Variants in NEIL2 observed in about 807,000 individuals in gnomAD.
NEIL2 encodes the protein endonuclease 8-like 2.
A neutral mutation model predicts 22.2 loss-of-function variants in NEIL2; 23 were observed. The ratio of observed to expected loss-of-function variants is 1.04; its 90% confidence interval spans 0.75 to 1.47. NEIL2 has a LOEUF of 1.47. Ranked by LOEUF, NEIL2 falls within the 40% of genes most tolerant of loss-of-function variation. NEIL2 has a pLI of 0.00. For synonymous variants in NEIL2, 229 were observed against 164.8 expected, an observed-to-expected ratio of 1.39 and a Z score of -2.99; for missense variants, 583 against 404.7, an observed-to-expected ratio of 1.44 and a Z score of -3.78.
At chr8:11,781,897 C>CA (rs1225487842) in intron 3 of NEIL2, among the ~76,000 whole-genome samples, 1 of 151,476 alleles carries the variant, frequency 6.6e-6, no homozygotes, top group Admixed American at 6.6e-5. Context: ...CCTGTTTGTA[C>CA]AAAAAAATAA....
At chr8:11,784,238 T>C (rs1469846386) in intron 4 of NEIL2, among the ~76,000 whole-genome samples, 1 of 152,208 alleles carries the variant, frequency 6.6e-6, no homozygotes, top group Admixed American at 6.5e-5. Flanking sequence ...TGGGAGTCCC[T>C]GTGCACTCAG....
At chr8:11,770,446 C>G (rs1803339880) in intron 1 of NEIL2, 111 bp downstream of exon 1, 1 of 152,166 alleles carries the variant, frequency 6.6e-6, no homozygotes, top group African/African-American at 2.4e-5. Flanking sequence ...CGAATCGGCA[C>G]CAGCGAGTGT....
chr8:11,776,752 C>T (rs1452643430), intron 2 of NEIL2, among the ~76,000 whole-genome samples: 8 of 152,138 alleles, frequency 5.3e-5, no homozygotes, highest in East Asian at 1.9e-4. Flanking sequence ...ATGGGTAGGT[C>T]CCCTGGGTTC....
chr8:11,783,455 C>A (rs564814661), intron 4 of NEIL2, 56 bp downstream of exon 4: 5 of 1,526,504 alleles, frequency 3.3e-6, no homozygotes, highest in South Asian at 2.2e-5. Context: ...AAAAGTCGGT[C>A]CTGTGGGAGT....
chr8:11,782,528 T>C (rs2130523631), intron 3 of NEIL2: 1 of 162,990 alleles, frequency 6.1e-6, no homozygotes, highest in African/African-American at 2.4e-5. Context: ...ACAATTACAT[T>C]AGCCTACAGT....
chr8:11,783,291 T>C lies in NEIL2; in HGVS notation c.580T>C (p.Cys194Arg), dbSNP rs764392849. 1 of 1,614,204 alleles carries C rather than the reference T, an allele frequency of 6.2e-7. No homozygotes were observed. The highest frequency in any genetic ancestry group is 8.5e-7 in the Non-Finnish European group (1 of 1,179,998). Residue 194 changes from cysteine (C) to arginine (R), a missense_variant, in exon 4 of 5, where the codon TGT becomes CGT. Cys to Arg is a radical substitution (Grantham distance 180, BLOSUM62 -3). Transcript: ENST00000284503. ...WSSSPVVTPT[C>R]DILSEKFHRG... ...CTCTTCCCCAGTGGTCACACCCACC[T>C]GTGACATCCTGTCTGAGAAGTTCCA...
At chr8:11,771,737 T>C in intron 2 of NEIL2, 152 bp downstream of exon 2, 1 of 727,440 alleles carries the variant, frequency 1.4e-6, no homozygotes, top group Non-Finnish European at 2.3e-6. Flanking sequence ...CTCACGTGTC[T>C]CAGCCAGAAG....
Position 11,769,750 on chromosome 8 carries a change from A to T in NEIL2, c.-588A>T, listed in dbSNP as rs930975959. ...GCTGGAGCGGCTGTGCGGGCTGCGT[A>T]GCGGTGCTGGGTCGGGCCGACGTGC... On this transcript the variant is annotated 5_prime_UTR_variant, in exon 1 of 5. Coordinates refer to ENST00000284503, the MANE Select transcript of NEIL2 (RefSeq NM_145043.4). 5 of 152,306 alleles carry T rather than the reference A, an allele frequency of 3.3e-5. No individual in the cohort carries two copies. Among genetic ancestry groups the T allele is most frequent in the Non-Finnish European group, 7.3e-5 (5 of 68,154 alleles). The allele number at this position is 152,306 out of a possible 1,614,324, so 9.4% of individuals were successfully genotyped here.
chr8:11,782,677 C>T lies in NEIL2; in HGVS notation c.492-526C>T, dbSNP rs8191635. On this transcript the variant is annotated intron_variant, in intron 3 of 4. Coordinates refer to ENST00000284503, the MANE Select transcript of NEIL2 (RefSeq NM_145043.4). ...TACTGAGTGTGCATTGATTTTGTACCATTATAAAATCAAAAATTAAAAGTG... is the reference window on the plus strand; with the variant it reads ...TACTGAGTGTGCATTGATTTTGTACTATTATAAAATCAAAAATTAAAAGTG... 31 of 195,102 alleles carry T rather than the reference C, an allele frequency of 1.6e-4. 1 individual carries two copies. In the East Asian group the frequency reaches 3.2e-3, roughly 20 times the overall value. The allele number at this position is 195,102 out of a possible 1,614,324, so 12.1% of individuals were successfully genotyped here.
chr8:11,772,223 G>T (rs577539355), intron 2 of NEIL2, among the ~76,000 whole-genome samples: 6 of 152,100 alleles, frequency 3.9e-5, no homozygotes, highest in Non-Finnish European at 8.8e-5. Flanking sequence ...AAAGAAAAGA[G>T]CAGAACCTTC....
At chr8:11,775,368 G>A (rs756920469) in intron 2 of NEIL2, among the ~76,000 whole-genome samples, 1 of 152,238 alleles carries the variant, frequency 6.6e-6, no homozygotes, top group Non-Finnish European at 1.5e-5. Flanking sequence ...GGCTGGAGGG[G>A]CTAGGACACA....
At position 11,786,628 on chromosome 8, in the gene NEIL2, G is replaced by GTTTTTTTTTTTTTTTTTTT. The variant is rs71539743; in HGVS notation, c.*371_*372insTTTTTTTTTTTTTTTTTTT. The GTTTTTTTTTTTTTTTTTTT allele has an allele frequency of 4.8e-6, 1 of 207,162 alleles. No individual in the cohort carries two copies. The allele number at this position is 207,162 out of a possible 1,614,324, so 12.8% of individuals were successfully genotyped here. ...CAACATAGCTTTGCAGATGATGTGG[G>GTTTTTTTTTTTTTTTTTTT]TTTTTTTTTTTTTTTTGGTTGTTTG... On this transcript the variant is annotated 3_prime_UTR_variant, in exon 5 of 5. Transcript: ENST00000284503.
intron 2 of NEIL2, among the ~76,000 whole-genome samples, chr8:11,773,194 C>T (rs926078679): frequency 6.6e-6 from 1 of 152,206 alleles, no homozygotes; most frequent in African/African-American, 2.4e-5. Context: ...ACCAGGGTGT[C>T]TGCCACAGAG....
At chr8:11,785,597 A>C (rs1216455833) in intron 4 of NEIL2, among the ~76,000 whole-genome samples, 1 of 152,224 alleles carries the variant, frequency 6.6e-6, no homozygotes, top group Non-Finnish European at 1.5e-5. Flanking sequence ...AAAACCAGGT[A>C]AGCCATCCCT....
intron 1 of NEIL2, 145 bp from the exon 2 acceptor site, chr8:11,771,301 C>A: frequency 1.0e-6 from 1 of 982,816 alleles, no homozygotes; most frequent in Non-Finnish European, 1.6e-6. Flanking sequence ...GACCGCCTCC[C>A]AGCCACACTC....
chr8:11,782,750 AG>A (rs1804535089), intron 3 of NEIL2: 1 of 259,184 alleles, frequency 3.9e-6, no homozygotes, highest in Non-Finnish European at 7.6e-6. Context: ...ATCCAGCCAC[AG>A]AGTGTGCTCT....
intron 3 of NEIL2, among the ~76,000 whole-genome samples, chr8:11,780,657 C>T (rs1009146783): frequency 6.6e-6 from 1 of 152,248 alleles, no homozygotes; most frequent in Non-Finnish European, 1.5e-5. Context: ...GCTGGGATTA[C>T]AGGCGTGAGC....
intron 4 of NEIL2, among the ~76,000 whole-genome samples, chr8:11,784,708 G>C (rs533146211): frequency 9.2e-5 from 14 of 152,184 alleles, no homozygotes; most frequent in Non-Finnish European, 1.6e-4. Context: ...ATGAATGCCT[G>C]GTGGAGCTGA....
At position 11,771,740 on chromosome 8, in the gene NEIL2, G is replaced by C. The variant is rs923978209; in HGVS notation, c.138+155G>C. On this transcript the variant is annotated intron_variant, in intron 2 of 4. Transcript: ENST00000284503. ...CCCTCTTTCAGTCTCACGTGTCTCA[G>C]CCAGAAGTAGATATCGCTGTGGACT... The C allele has an allele frequency of 1.1e-5, 8 of 719,246 alleles. No homozygotes were observed. In the Admixed American group the frequency reaches 1.7e-4, roughly 15 times the overall value. The allele number at this position is 719,246 out of a possible 1,614,324, so 44.6% of individuals were successfully genotyped here. A position where few individuals can be genotyped will look rare whatever the true frequency, so the allele number is the denominator to read the frequency against.
Sources: gnomAD v4.1 joint callset for allele counts (sites outside exome capture counted in the v4.1 genomes callset) on GRCh38, gnomAD v4.1.1 for gene constraint, MANE v1.5 for transcripts, NCBI Gene and HGNC (gene_info 2026-07-23, HGNC 2026-07-21) for gene names.